The following PELI2 variants were observed in gnomAD, a reference collection of about 807,000 sequenced individuals.
PELI2 encodes pellino E3 ubiquitin protein ligase family member 2, also known as E3 ubiquitin-protein ligase pellino homolog 2.
A neutral mutation model predicts 42.3 loss-of-function variants in PELI2; 23 were observed. The ratio of observed to expected loss-of-function variants is 0.54; its 90% CI spans 0.39 to 0.77. PELI2 has a LOEUF of 0.77. Among genes scored for constraint, PELI2 ranks in the 30% least tolerant of loss-of-function variants. PELI2 has a pLI of 0.00. For synonymous variants in PELI2, 245 were observed against 212.2 expected (o/e 1.15, Z -1.34); for missense variants, 463 against 553.2 (o/e 0.84, Z 1.64).
chr14:56,143,585 C>T (rs745585985), intron 1 of PELI2, among the ~76,000 whole-genome samples: 52 of 152,220 alleles, frequency 3.4e-4, no homozygotes, highest in Admixed American at 7.9e-4. Context: ...TCCGTAAGGA[C>T]GGTCTGTCCC....
intron 2 of PELI2, among the ~76,000 whole-genome samples, chr14:56,232,495 C>G (rs967884011): frequency 6.6e-6 from 1 of 152,110 alleles, no homozygotes; most frequent in Middle Eastern, 3.4e-3. Flanking sequence ...ATTAGCAGAA[C>G]CAGAAACAAA....
intron 2 of PELI2, among the ~76,000 whole-genome samples, chr14:56,231,403 ACTGT>A (rs940042900): frequency 2.6e-4 from 40 of 152,338 alleles, no homozygotes; most frequent in African/African-American, 9.1e-4. Context: ...ATTATAACAA[ACTGT>A]CTGTCAGACC....
At chr14:56,150,155 A>G (rs1884288832) in intron 1 of PELI2, among the ~76,000 whole-genome samples, 1 of 152,244 alleles carries the variant, frequency 6.6e-6, no homozygotes, top group Non-Finnish European at 1.5e-5. Flanking sequence ...AAATAGTTTG[A>G]AGAGGAAATA....
chr14:56,244,879 A>G (rs1888097372), intron 2 of PELI2, among the ~76,000 whole-genome samples: 1 of 152,194 alleles, frequency 6.6e-6, no homozygotes, highest in East Asian at 1.9e-4. Context: ...TTCAGACTGA[A>G]TCTGTCTCTT....
intron 2 of PELI2, among the ~76,000 whole-genome samples, chr14:56,217,223 A>G (rs1335961589): frequency 6.6e-6 from 1 of 152,222 alleles, no homozygotes; most frequent in Non-Finnish European, 1.5e-5. Flanking sequence ...AGGCCAAGGT[A>G]GGGTAAGGAT....
At chr14:56,159,698 A>T (rs1192532842) in intron 1 of PELI2, among the ~76,000 whole-genome samples, 1 of 152,200 alleles carries the variant, frequency 6.6e-6, no homozygotes, top group East Asian at 1.9e-4. Flanking sequence ...AACTAATGTT[A>T]TATTAATATA....
At chr14:56,168,763 C>T (rs1885061674) in intron 1 of PELI2, among the ~76,000 whole-genome samples, 1 of 149,862 alleles carries the variant, frequency 6.7e-6, no homozygotes, top group Admixed American at 6.6e-5. Flanking sequence ...ATAGCTACCA[C>T]AGCTGGGAAT....
rs758288971 is a variant in PELI2 at position 56,288,541 on chromosome 14, G to A, written c.414G>A (p.Arg138=). 3 of 1,614,088 alleles carry A rather than the reference G, an allele frequency of 1.9e-6. No homozygotes were observed. The highest frequency in any genetic ancestry group is 2.5e-6 in the Non-Finnish European group (3 of 1,179,984). ...AGATCACACAGAGCACCATATCCAG[G>A]TTCGCCTGCAGGATCGTGTGCGACA... ...EAQITQSTIS[R]FACRIVCDRN... Residue 138 remains arginine, a synonymous_variant, in exon 4 of 6, where the codon AGG becomes AGA. Transcript: ENST00000267460. The surrounding 1 kb of genome is among the most constrained non-coding windows in gnomAD (Gnocchi z 4.6).
chr14:56,243,039 C>A (rs1159864849), intron 2 of PELI2, among the ~76,000 whole-genome samples: 1 of 152,184 alleles, frequency 6.6e-6, no homozygotes, highest in Non-Finnish European at 1.5e-5. Flanking sequence ...TTTATGACTC[C>A]TTTCATCCGT....
rs559351412 is a variant in PELI2 at position 56,219,200 on chromosome 14, T to C, written c.207+40736T>C. Among the ~76,000 whole-genome samples, 243 of 152,188 alleles carry C rather than the reference T, an allele frequency of 1.6e-3. 2 individuals carry two copies. The highest frequency in any genetic ancestry group is 2.9e-3 in the Non-Finnish European group (198 of 67,998). The stretch of plus-strand genomic sequence containing the variant: ...AATAAGGTGTTTGTTTATTTATTTA[T>C]TTATTTTGGTTTTAAGGAGCAGAGA... On this transcript the variant is annotated intron_variant, in intron 2 of 5. Transcript: ENST00000267460. This position sits in a 1 kb window ranked among gnomAD's most constrained non-coding sequence, Gnocchi z 4.1.
intron 2 of PELI2, among the ~76,000 whole-genome samples, chr14:56,258,246 G>A (rs984893513): frequency 2.0e-5 from 3 of 152,060 alleles, no homozygotes; most frequent in Admixed American, 6.5e-5. Context: ...AAAGTTAACT[G>A]CCTACCAGAA....
At chr14:56,245,886 A>T (rs2139804287) in intron 2 of PELI2, among the ~76,000 whole-genome samples, 1 of 152,352 alleles carries the variant, frequency 6.6e-6, no homozygotes, top group East Asian at 1.9e-4. Flanking sequence ...GGGAGGATGT[A>T]TTAATACATA....
intron 2 of PELI2, among the ~76,000 whole-genome samples, chr14:56,238,426 G>A (rs1424853190): frequency 6.6e-6 from 1 of 152,098 alleles, no homozygotes; most frequent in Non-Finnish European, 1.5e-5. Flanking sequence ...AATCTATTAG[G>A]TATATTTTAG....
At chr14:56,198,033 C>T (rs377032846) in intron 2 of PELI2, among the ~76,000 whole-genome samples, 25 of 150,430 alleles carry the variant, frequency 1.7e-4, no homozygotes, top group Middle Eastern at 3.5e-3. Context: ...TGGTCCACTT[C>T]TCTAGAGAAC....
intron 1 of PELI2, among the ~76,000 whole-genome samples, chr14:56,162,502 CATTCATCTGTTGATGGATACCT>C (rs1478500324): frequency 6.6e-6 from 1 of 152,162 alleles, no homozygotes; most frequent in African/African-American, 2.4e-5. Flanking sequence ...TTTCTCTATC[CATTCATCTGTTGATGGATACCT>C]AGGTTGCTTC....
At chr14:56,229,446 T>A (rs1887479181) in intron 2 of PELI2, among the ~76,000 whole-genome samples, 1 of 152,218 alleles carries the variant, frequency 6.6e-6, no homozygotes, top group African/African-American at 2.4e-5. Context: ...TATTTGCTGT[T>A]CTGCAGCCTC....
In PELI2 at chr14:56,234,910, G is replaced by C. The variant is rs191384234; in HGVS notation, c.208-44766G>C. 1.8e-3 allele frequency among the ~76,000 whole-genome samples: 271 copies of C among 152,248 alleles called. 1 individual carries two copies. Among genetic ancestry groups the C allele is most frequent in the Middle Eastern group, 3.4e-3 (1 of 294 alleles). On this transcript the variant is annotated intron_variant, in intron 2 of 5. Coordinates refer to ENST00000267460, the MANE Select transcript of PELI2 (RefSeq NM_021255.3). The stretch of plus-strand genomic sequence containing the variant: ...GGAGGGCTGGTTGTGGGTGCTGGCA[G>C]GGGCTTAAATTGCCCAAACCTGGTA...
intron 2 of PELI2, among the ~76,000 whole-genome samples, chr14:56,256,895 G>A (rs1353356046): frequency 6.6e-6 from 1 of 152,174 alleles, no homozygotes; most frequent in South Asian, 2.1e-4. Flanking sequence ...TCATATTAGT[G>A]TGTGCTACTG....
At chr14:56,202,125 T>A (rs1886351513) in intron 2 of PELI2, among the ~76,000 whole-genome samples, 1 of 152,206 alleles carries the variant, frequency 6.6e-6, no homozygotes, top group East Asian at 1.9e-4. Context: ...CTTAACCAAC[T>A]TAAAATTATC....
Sources: allele counts gnomAD v4.1 joint callset (sites outside exome capture counted in the v4.1 genomes callset), GRCh38; gene constraint gnomAD v4.1.1; non-coding constraint Gnocchi (gnomAD v3.1); transcripts MANE v1.5; gene names NCBI Gene and HGNC (gene_info 2026-07-23, HGNC 2026-07-21).